Variants in OSTF1 observed in about 807,000 individuals in gnomAD.
OSTF1 encodes osteoclast-stimulating factor 1.
OSTF1 carries 27 observed loss-of-function variants against 37.2 expected under a neutral mutation model. The observed-to-expected ratio is 0.73, with a 90% CI of 0.54 to 1.00. OSTF1 has a LOEUF of 1.00. Ranked by LOEUF, OSTF1 falls within the 50% of genes least tolerant of loss-of-function variation. The pLI is 0.00. For missense variants in OSTF1, 232 were observed against 253.8 expected (o/e 0.91, Z 0.58); for synonymous variants, 82 against 89.2 (o/e 0.92, Z 0.46).
chr9:75,112,013 T>TG (rs1305421468), intron 1 of OSTF1, among the ~76,000 whole-genome samples: 1 of 151,360 alleles, frequency 6.6e-6, no homozygotes, highest in Non-Finnish European at 1.5e-5. Context: ...TTAGTAGAGG[T>TG]GGGGTTTCAC....
At chr9:75,144,601 TA>T (rs1237596799) in intron 9 of OSTF1, among the ~76,000 whole-genome samples, 1 of 152,192 alleles carries the variant, frequency 6.6e-6, no homozygotes, top group Admixed American at 6.5e-5. Context: ...TCTTGCAAGA[TA>T]AATCGGCTTC....
At chr9:75,135,986 G>C (rs1039992574) in intron 7 of OSTF1, among the ~76,000 whole-genome samples, 24 of 152,130 alleles carry the variant, frequency 1.6e-4, no homozygotes, top group Non-Finnish European at 3.2e-4. Context: ...GGGCCCACCT[G>C]GTTAGGTCAG....
At chr9:75,137,052 A>G (rs775509026) in intron 7 of OSTF1, among the ~76,000 whole-genome samples, 2 of 152,136 alleles carry the variant, frequency 1.3e-5, no homozygotes, top group Non-Finnish European at 2.9e-5. Context: ...CTTGGAAACT[A>G]TCAGGTTAAT....
At chr9:75,126,319 A>C (rs1456379445) in intron 2 of OSTF1, among the ~76,000 whole-genome samples, 2 of 152,226 alleles carry the variant, frequency 1.3e-5, no homozygotes, top group African/African-American at 4.8e-5. Context: ...TCCCACCTGA[A>C]ATATGAAAGC....
intron 2 of OSTF1, among the ~76,000 whole-genome samples, chr9:75,124,476 A>G (rs7868417): frequency 0.77 from 117,346 of 152,150 alleles, 45,593 homozygotes; most frequent in African/African-American, 0.86. Context: ...CTGTCCATGA[A>G]TTCAATTGTT....
intron 1 of OSTF1, among the ~76,000 whole-genome samples, chr9:75,103,130 TAG>T (rs55638651): frequency 0.36 from 53,936 of 151,770 alleles, 10,373 homozygotes; most frequent in African/African-American, 0.51. Context: ...CTACAAAAAA[TAG>T]AGAAAGAAAA....
intron 7 of OSTF1, among the ~76,000 whole-genome samples, chr9:75,136,808 A>C (rs1825851098): frequency 6.6e-6 from 1 of 152,072 alleles, no homozygotes; most frequent in Admixed American, 6.5e-5. Context: ...GCTAGGTGAC[A>C]CCCAAATGCT....
intron 2 of OSTF1, among the ~76,000 whole-genome samples, chr9:75,120,268 G>A (rs565701932): frequency 2.0e-5 from 3 of 152,148 alleles, no homozygotes; most frequent in African/African-American, 7.2e-5. Flanking sequence ...TAGGGAGAGG[G>A]CACAAAGAGC....
intron 1 of OSTF1, among the ~76,000 whole-genome samples, chr9:75,106,027 G>C (rs181018975): frequency 3.3e-5 from 5 of 152,184 alleles, no homozygotes; most frequent in Non-Finnish European, 7.3e-5. Flanking sequence ...TAAAGAGTCC[G>C]CTATTCCTGC....
chr9:75,136,752 G>A (rs903008217), intron 7 of OSTF1, among the ~76,000 whole-genome samples: 10 of 152,150 alleles, frequency 6.6e-5, no homozygotes, highest in African/African-American at 1.4e-4. Flanking sequence ...GCCTGCTGGC[G>A]GTTGGGCTTC....
chr9:75,129,008 G>C (rs1825721706), intron 3 of OSTF1, among the ~76,000 whole-genome samples: 1 of 152,054 alleles, frequency 6.6e-6, no homozygotes, highest in South Asian at 2.1e-4. Context: ...TACCAAGTCA[G>C]GGGCAGCAGA....
intron 1 of OSTF1, among the ~76,000 whole-genome samples, chr9:75,111,176 T>C (rs1358676432): frequency 6.6e-6 from 1 of 152,186 alleles, no homozygotes; most frequent in East Asian, 1.9e-4. Flanking sequence ...AGCTGACACA[T>C]ACTCTGTTTG....
chr9:75,092,819 C>A lies in OSTF1; in HGVS notation c.34+4093C>A, dbSNP rs538806765. 2.0e-5 allele frequency among the ~76,000 whole-genome samples: 3 copies of A among 152,130 alleles called. No individual in the cohort carries two copies. In the East Asian group the frequency reaches 5.8e-4, roughly 30 times the overall value. Reference sequence around the variant, plus strand: ...TGGCATATGTTTCCAAAAGGCTATACGGTATTGCCTGCATTCTGCTTGAAA... The same window carrying A: ...TGGCATATGTTTCCAAAAGGCTATAAGGTATTGCCTGCATTCTGCTTGAAA... On this transcript the variant is annotated intron_variant, in intron 1 of 9. Coordinates refer to ENST00000346234, the MANE Select transcript of OSTF1 (RefSeq NM_012383.5).
intron 9 of OSTF1, among the ~76,000 whole-genome samples, chr9:75,141,889 A>G: frequency 6.6e-6 from 1 of 152,018 alleles, no homozygotes; most frequent in East Asian, 1.9e-4. Context: ...ATGGGACTAC[A>G]GGCATGTGTC....
At chr9:75,141,262 C>G (rs1022959880) in intron 9 of OSTF1, among the ~76,000 whole-genome samples, 1 of 137,780 alleles carries the variant, frequency 7.3e-6, no homozygotes, top group South Asian at 2.2e-4. Context: ...GATCGCACCA[C>G]TGCATTCCAG....
chr9:75,114,308 C>A (rs1825443248), intron 1 of OSTF1, among the ~76,000 whole-genome samples: 2 of 152,150 alleles, frequency 1.3e-5, no homozygotes, highest in South Asian at 4.1e-4. Flanking sequence ...AGTGTATTTA[C>A]ATAATCCCCT....
At chr9:75,102,698 T>TG (rs1218022203) in intron 1 of OSTF1, among the ~76,000 whole-genome samples, 17 of 152,216 alleles carry the variant, frequency 1.1e-4, no homozygotes, top group Admixed American at 1.1e-3. Context: ...CTCTTTATTC[T>TG]GGGGCTGCCT....
chr9:75,106,845 T>C (rs1825294238), intron 1 of OSTF1, among the ~76,000 whole-genome samples: 1 of 151,228 alleles, frequency 6.6e-6, no homozygotes, highest in South Asian at 2.1e-4. Flanking sequence ...TCCCAGCTAC[T>C]TGGGAGGCTG....
intron 1 of OSTF1, among the ~76,000 whole-genome samples, chr9:75,093,077 T>TTTG (rs1825011045): frequency 6.8e-6 from 1 of 147,184 alleles, no homozygotes; most frequent in African/African-American, 2.5e-5. Flanking sequence ...TTTTTTTTTT[T>TTTG]GGAGATGGGA....
Sources: allele counts gnomAD v4.1 joint callset (sites outside exome capture counted in the v4.1 genomes callset), GRCh38; gene constraint gnomAD v4.1.1; transcripts MANE v1.5; gene names NCBI Gene and HGNC (gene_info 2026-07-23, HGNC 2026-07-21).